The following COPG2 variants were observed in gnomAD, a reference collection of about 807,000 sequenced individuals.
COPG2 encodes coatomer subunit gamma-2.
A neutral mutation model predicts 46.3 loss-of-function variants in COPG2; 37 were observed. That is an observed-to-expected ratio of 0.80 (90% CI 0.61 to 1.05). COPG2 has a LOEUF of 1.05. Ranked by LOEUF, COPG2 falls within the 50% of genes least tolerant of loss-of-function variation. The probability of loss-of-function intolerance (pLI) is 0.00; values close to 1 mark genes in which losing one functional copy is unlikely to be tolerated. For missense variants in COPG2, 427 were observed against 387.8 expected (o/e 1.10, Z -0.85); for synonymous variants, 159 against 129.7 (o/e 1.23, Z -1.53).
chr7:130,569,470 A>G (rs2116413573), intron 9 of COPG2, among the ~76,000 whole-genome samples: 1 of 152,290 alleles, frequency 6.6e-6, no homozygotes, highest in African/African-American at 2.4e-5. Flanking sequence ...TGATGGATAA[A>G]TTCCTGGAAA....
chr7:130,666,890 ATCT>A lies in COPG2; in HGVS notation c.127_129del (p.Arg43del), dbSNP rs782369933. 6.4e-6 allele frequency: 10 copies of A among 1,567,796 alleles called. No individual in the cohort carries two copies. In the South Asian group the frequency reaches 1.0e-4, roughly 16 times the overall value. Reference sequence around the variant, plus strand: ...AGAATCTTTGTAAGAATATGCAAACATCTTCTTGGATTGATTGGAGTTTCATTG... The same window carrying A: ...AGAATCTTTGTAAGAATATGCAAACATCTTGGATTGATTGGAGTTTCATTG... On this transcript the variant is annotated inframe_deletion, in exon 3 of 24. Transcript: ENST00000425248.
intron 9 of COPG2, among the ~76,000 whole-genome samples, chr7:130,573,440 T>C (rs181212999): frequency 2.1e-4 from 32 of 152,124 alleles, no homozygotes; most frequent in Non-Finnish European, 4.0e-4. Flanking sequence ...ACAAAAATTC[T>C]TAACAAATAT....
chr7:130,616,894 C>T, intron 6 of COPG2, 96 bp downstream of exon 6: 1 of 742,206 alleles, frequency 1.3e-6, no homozygotes, highest in Non-Finnish European at 2.2e-6. Flanking sequence ...ACTGAAAATT[C>T]ACAAAGTCAG....
At chr7:130,668,494 G>A in intron 1 of COPG2, 138 bp downstream of exon 1, 1 of 622,802 alleles carries the variant, frequency 1.6e-6, no homozygotes, top group East Asian at 3.9e-5. Flanking sequence ...GAGGGGAGGG[G>A]AGGGGCCGGC....
intron 5 of COPG2, among the ~76,000 whole-genome samples, chr7:130,620,586 G>A (rs1795022330): frequency 6.6e-6 from 1 of 152,060 alleles, no homozygotes; most frequent in African/African-American, 2.4e-5. Context: ...GTATATAATT[G>A]TTATTCTATG....
rs982002834 is a variant in COPG2 at position 130,546,183 on chromosome 7, T to A, written c.2149+1491A>T. Reference sequence around the variant, plus strand: ...GGAGGAATTTTGAAACATGGAGGGATGGCTACTGGAAAAGAACTGATGAAG... The same window carrying A: ...GGAGGAATTTTGAAACATGGAGGGAAGGCTACTGGAAAAGAACTGATGAAG... On this transcript the variant is annotated intron_variant, in intron 20 of 23. Coordinates refer to ENST00000425248, the MANE Select transcript of COPG2 (RefSeq NM_012133.6). Among the ~76,000 whole-genome samples the A allele has an allele frequency of 1.8e-3, 276 of 152,248 alleles. 3 individuals carry two copies. The highest frequency in any genetic ancestry group is 6.2e-3 in the African/African-American group (258 of 41,550).
intron 12 of COPG2, among the ~76,000 whole-genome samples, chr7:130,558,286 G>C (rs1179525762): frequency 5.3e-5 from 8 of 152,140 alleles, no homozygotes; most frequent in African/African-American, 1.9e-4. Flanking sequence ...TCTTGTGATA[G>C]TAAGTTCTTG....
At chr7:130,548,198 C>A (rs1793476008) in intron 19 of COPG2, among the ~76,000 whole-genome samples, 1 of 152,170 alleles carries the variant, frequency 6.6e-6, no homozygotes, top group African/African-American at 2.4e-5. Flanking sequence ...TCACACATTT[C>A]AGTTTTATGT....
chr7:130,588,299 T>C (rs868911230), intron 9 of COPG2, among the ~76,000 whole-genome samples: 5 of 152,054 alleles, frequency 3.3e-5, no homozygotes, highest in African/African-American at 1.2e-4. Context: ...TTACTGGGTA[T>C]ATATCCAAAG....
At chr7:130,612,067 T>A in intron 8 of COPG2, 85 bp downstream of exon 8, 1 of 923,426 alleles carries the variant, frequency 1.1e-6, no homozygotes, top group African/African-American at 1.6e-5. Flanking sequence ...TTAATGTTTA[T>A]CTAGGGAATC....
At chr7:130,526,160 T>C (rs1799772335) in intron 20 of COPG2, among the ~76,000 whole-genome samples, 1 of 148,012 alleles carries the variant, frequency 6.8e-6, no homozygotes, top group South Asian at 2.2e-4. Flanking sequence ...AAGGCTGGAG[T>C]GTAAGAGGGG....
intron 9 of COPG2, among the ~76,000 whole-genome samples, chr7:130,588,252 T>A (rs1361835408): frequency 3.3e-5 from 5 of 151,826 alleles, no homozygotes; most frequent in African/African-American, 1.2e-4. Context: ...TCCTCAGGGA[T>A]CTAGAATTAG....
chr7:130,561,379 C>T (rs1348857136), intron 11 of COPG2, among the ~76,000 whole-genome samples, 158 bp from the exon 12 acceptor site: 1 of 152,174 alleles, frequency 6.6e-6, no homozygotes, highest in Admixed American at 6.5e-5. Flanking sequence ...CAAGGTATAT[C>T]TTTTAATAAA....
intron 20 of COPG2, among the ~76,000 whole-genome samples, chr7:130,520,452 A>T (rs1476202445): frequency 6.6e-6 from 1 of 152,266 alleles, no homozygotes; most frequent in Admixed American, 6.5e-5. Context: ...AGGAATTCAG[A>T]TATCACCAGC....
intron 12 of COPG2, 27 bp from the exon 13 acceptor site, chr7:130,555,159 T>C (rs1793601739): frequency 2.5e-6 from 1 of 398,020 alleles, no homozygotes. Flanking sequence ...AGAATATTCA[T>C]TTTTATGACT....
chr7:130,595,349 C>T (rs1231536923), intron 9 of COPG2, among the ~76,000 whole-genome samples: 4 of 151,986 alleles, frequency 2.6e-5, no homozygotes, highest in East Asian at 1.9e-4. Context: ...TTTTCCAGGG[C>T]GAGAGGGAAA....
chr7:130,553,895 T>C (rs1355487928), intron 14 of COPG2, among the ~76,000 whole-genome samples: 1 of 152,182 alleles, frequency 6.6e-6, no homozygotes, highest in East Asian at 1.9e-4. Context: ...GGTAAGAACA[T>C]TAAAGTATCT....
At chr7:130,579,690 G>GTTGCT (rs1554446839) in intron 9 of COPG2, among the ~76,000 whole-genome samples, 1 of 150,694 alleles carries the variant, frequency 6.6e-6, no homozygotes, top group East Asian at 1.9e-4. Flanking sequence ...AAAGGCAGGG[G>GTTGCT]TTGCAATCCT....
intron 21 of COPG2, 168 bp downstream of exon 21, chr7:130,508,392 CCA>C: frequency 1.8e-6 from 1 of 563,094 alleles, no homozygotes; most frequent in Non-Finnish European, 3.1e-6. Context: ...CTGGTGCTGT[CCA>C]GTTACAGAGG....
Sources: allele counts gnomAD v4.1 joint callset (sites outside exome capture counted in the v4.1 genomes callset), GRCh38; gene constraint gnomAD v4.1.1; transcripts MANE v1.5; gene names NCBI Gene and HGNC (gene_info 2026-07-23, HGNC 2026-07-21).